Variants in RNF216 observed in about 807,000 individuals in gnomAD.
RNF216 encodes ring finger protein 216, also known as E3 ubiquitin-protein ligase RNF216.
A neutral mutation model predicts 110.8 loss-of-function variants in RNF216; 72 were observed. The observed-to-expected ratio is 0.65, with a 90% CI of 0.54 to 0.79. The LOEUF (loss-of-function observed/expected upper bound fraction) is 0.79. Ranked by LOEUF, RNF216 falls within the 30% of genes least tolerant of loss-of-function variation. The probability of loss-of-function intolerance (pLI) is 0.00; values close to 1 mark genes in which losing one functional copy is unlikely to be tolerated. For synonymous variants in RNF216, 495 were observed against 407.5 expected, an observed-to-expected ratio of 1.21 and a Z score of -2.59; for missense variants, 1,342 against 1,141.2, an observed-to-expected ratio of 1.18 and a Z score of -2.54.
intron 1 of RNF216, among the ~76,000 whole-genome samples, chr7:5,762,786 G>C (rs1796001897): frequency 6.6e-6 from 1 of 152,148 alleles, no homozygotes; most frequent in Admixed American, 6.6e-5. Context: ...CTGGGTAAGG[G>C]AGAATGAAAA....
At chr7:5,731,330 A>C (rs1794076489) in intron 5 of RNF216, among the ~76,000 whole-genome samples, 1 of 152,224 alleles carries the variant, frequency 6.6e-6, no homozygotes, top group Non-Finnish European at 1.5e-5. Context: ...GTAATAATAA[A>C]GCTCTATGAG....
At chr7:5,625,051 A>G (rs1240615236) in intron 15 of RNF216, among the ~76,000 whole-genome samples, 1 of 152,186 alleles carries the variant, frequency 6.6e-6, no homozygotes, top group East Asian at 1.9e-4. Context: ...TGGATTGAAA[A>G]AACCCGCCAA....
chr7:5,659,536 G>A (rs1788968646), intron 13 of RNF216, among the ~76,000 whole-genome samples: 1 of 152,222 alleles, frequency 6.6e-6, no homozygotes, highest in Non-Finnish European at 1.5e-5. Flanking sequence ...CTATAGGAAG[G>A]AGTTTGGAAA....
intron 3 of RNF216, among the ~76,000 whole-genome samples, chr7:5,747,164 A>C (rs7809733): frequency 0.057 from 8,745 of 152,308 alleles, 417 homozygotes; most frequent in African/African-American, 0.11. Context: ...AAAACAGAAC[A>C]ACCTGAAAAT....
chr7:5,735,878 TG>T lies in RNF216; in HGVS notation c.1121+3397del. Among the ~76,000 whole-genome samples, 5 of 152,250 alleles carry T rather than the reference TG, an allele frequency of 3.3e-5. No individual in the cohort carries two copies. In the East Asian group the frequency reaches 9.7e-4, roughly 29 times the overall value. ...GGGAGGCCGAGGCAGATGGATCACC[TG>T]AGGTCAGGAGTTCAAGACCAGCCTG... On this transcript the variant is annotated intron_variant, in intron 5 of 16. Coordinates refer to ENST00000389902, the MANE Select transcript of RNF216 (RefSeq NM_207111.4).
chr7:5,780,986 G>A (rs891229438), intron 1 of RNF216, among the ~76,000 whole-genome samples: 2 of 152,212 alleles, frequency 1.3e-5, no homozygotes, highest in Non-Finnish European at 2.9e-5. Flanking sequence ...AGCCGGGCCA[G>A]CCCCCAGCGC....
intron 6 of RNF216, 90 bp from the exon 7 acceptor site, chr7:5,729,686 GAAT>G: frequency 9.0e-7 from 1 of 1,108,780 alleles, no homozygotes; most frequent in South Asian, 1.5e-5. Flanking sequence ...GTGTAGAAAA[GAAT>G]AACATTTGTT....
rs183453972 is a variant in RNF216 at position 5,637,634 on chromosome 7, C to T, written c.2382+3520G>A. Reference sequence around the variant, plus strand: ...CAGTCAGGGCTCACTGCATCCCTAACGTCCCGGGCTAAAGCAATCGCCCTG... The same window carrying T: ...CAGTCAGGGCTCACTGCATCCCTAATGTCCCGGGCTAAAGCAATCGCCCTG... On this transcript the variant is annotated intron_variant, in intron 15 of 16. Coordinates refer to ENST00000389902, the MANE Select transcript of RNF216 (RefSeq NM_207111.4). Among the ~76,000 whole-genome samples, 1,304 of 152,282 alleles carry T rather than the reference C, an allele frequency of 8.6e-3. 13 individuals are homozygous for T. Among genetic ancestry groups the T allele is most frequent in the Non-Finnish European group, 0.013 (857 of 68,010 alleles).
At chr7:5,746,619 C>A (rs1258348421) in intron 3 of RNF216, among the ~76,000 whole-genome samples, 2 of 152,124 alleles carry the variant, frequency 1.3e-5, no homozygotes, top group African/African-American at 4.8e-5. Context: ...GGTAGGACAT[C>A]TTGGAGCCAA....
At chr7:5,682,197 C>T (rs117206608) in intron 13 of RNF216, among the ~76,000 whole-genome samples, 2,854 of 152,286 alleles carry the variant, frequency 0.019, 41 homozygotes, top group Non-Finnish European at 0.03. Context: ...TCTGTACCTA[C>T]GTGCCAGCCC....
chr7:5,712,971 T>C, intron 11 of RNF216, 108 bp from the exon 12 acceptor site: 1 of 990,204 alleles, frequency 1.0e-6, no homozygotes, highest in Non-Finnish European at 1.5e-6. Context: ...AGCAAGGATC[T>C]CTCTGCCTGT....
chr7:5,627,816 CAA>C (rs1192626789), intron 15 of RNF216, among the ~76,000 whole-genome samples: 7 of 151,844 alleles, frequency 4.6e-5, no homozygotes, highest in African/African-American at 1.7e-4. Flanking sequence ...ACACGAGGGA[CAA>C]GAGAGGCTCT....
At chr7:5,761,332 C>T (rs113814529) in intron 1 of RNF216, among the ~76,000 whole-genome samples, 194 bp from the exon 2 acceptor site, 11,778 of 150,258 alleles carry the variant, frequency 0.078, 543 homozygotes, top group East Asian at 0.12. Flanking sequence ...TTAAAATACA[C>T]ATATTAAAGA....
At chr7:5,749,386 A>G (rs1795217797) in intron 3 of RNF216, among the ~76,000 whole-genome samples, 1 of 152,004 alleles carries the variant, frequency 6.6e-6, no homozygotes, top group Non-Finnish European at 1.5e-5. Flanking sequence ...CCTGACCTCA[A>G]GTAATCCACT....
chr7:5,680,261 A>G lies in RNF216; in HGVS notation c.2062-27751T>C. On this transcript the variant is annotated intron_variant, in intron 13 of 16. Coordinates refer to ENST00000389902, the MANE Select transcript of RNF216 (RefSeq NM_207111.4). The surrounding 1 kb of genome is among the most constrained non-coding windows in gnomAD (Gnocchi z 4.3). ...TGCTCTAATGCAGCCTTCAAGGTCC[A>G]ACAGGGAAGTGGTTCCTTTGTCCCC... The G allele has an allele frequency of 6.6e-6, 1 of 152,400 alleles. No homozygotes were observed. The allele number at this position is 152,400 out of a possible 1,614,324, so 9.4% of individuals were successfully genotyped here.
chr7:5,773,343 A>T (rs528022914), intron 1 of RNF216, among the ~76,000 whole-genome samples: 6 of 151,562 alleles, frequency 4.0e-5, no homozygotes, highest in African/African-American at 1.5e-4. Context: ...CCTGGGTTCA[A>T]GCGATTCTTC....
chr7:5,770,581 T>C (rs1688611108), intron 1 of RNF216, among the ~76,000 whole-genome samples: 2 of 152,046 alleles, frequency 1.3e-5, no homozygotes, highest in Non-Finnish European at 2.9e-5. Flanking sequence ...AATTGATGTG[T>C]AGATTTAATA....
rs1236979010 is a variant in RNF216 at position 5,621,175 on chromosome 7, T to G, written c.*1685A>C. 4 of 151,658 alleles carry G rather than the reference T, an allele frequency of 2.6e-5. No individual in the cohort carries two copies. In the South Asian group the frequency reaches 6.2e-4, roughly 24 times the overall value. 9.4% of individuals were successfully genotyped at this position (151,658 alleles called of 1,614,324 possible). On this transcript the variant is annotated 3_prime_UTR_variant, in exon 17 of 17. Transcript: ENST00000389902. Reference sequence around the variant, plus strand: ...GCAGAAAGAATGGGTATCTTAGTTTTTTTTTTTTTTTTTTTAAAGATAGAG... The same window carrying G: ...GCAGAAAGAATGGGTATCTTAGTTTGTTTTTTTTTTTTTTTAAAGATAGAG...
intron 13 of RNF216, among the ~76,000 whole-genome samples, chr7:5,681,713 C>A (rs1790663459): frequency 6.6e-6 from 1 of 152,200 alleles, no homozygotes; most frequent in Non-Finnish European, 1.5e-5. Context: ...TTGCAACTTA[C>A]CAGACCACAC....
Sources: allele counts gnomAD v4.1 joint callset (sites outside exome capture counted in the v4.1 genomes callset), GRCh38; gene constraint gnomAD v4.1.1; non-coding constraint Gnocchi (gnomAD v3.1); transcripts MANE v1.5; gene names NCBI Gene and HGNC (gene_info 2026-07-23, HGNC 2026-07-21).